Variants in TSHZ1 observed in about 807,000 individuals in gnomAD.
TSHZ1 encodes teashirt homolog 1.
Under a neutral mutation model 67.1 loss-of-function variants are expected in TSHZ1, and 12 were observed. The observed-to-expected ratio is 0.18, with a 90% CI of 0.11 to 0.29. The LOEUF is 0.29. TSHZ1 is among the 10% of genes least tolerant of loss of function. The pLI is 1.00. For missense variants in TSHZ1, 1,305 were observed against 1,413.9 expected (o/e 0.92, Z 1.23); for synonymous variants, 632 against 622.4 (o/e 1.02, Z -0.23).
chr18:75,258,430 T>G (rs2023389478), intron 1 of TSHZ1, among the ~76,000 whole-genome samples: 1 of 152,236 alleles, frequency 6.6e-6, no homozygotes. Flanking sequence ...CTGTAAAGGT[T>G]AGATAGCTTC....
intron 1 of TSHZ1, among the ~76,000 whole-genome samples, chr18:75,224,598 A>G (rs1241084687): frequency 1.3e-5 from 2 of 152,308 alleles, no homozygotes; most frequent in East Asian, 3.9e-4. Flanking sequence ...CCTCCCCGCA[A>G]TACTCTTATT....
At chr18:75,223,639 A>T (rs1222417235) in intron 1 of TSHZ1, among the ~76,000 whole-genome samples, 5 of 145,702 alleles carry the variant, frequency 3.4e-5, no homozygotes, top group African/African-American at 1.3e-4. Context: ...AAAAAAAAAA[A>T]TTGTCCCCCA....
chr18:75,214,476 A>T (rs2022740880), intron 1 of TSHZ1, among the ~76,000 whole-genome samples: 1 of 152,208 alleles, frequency 6.6e-6, no homozygotes, highest in Admixed American at 6.5e-5. Context: ...TACATATGTG[A>T]GTCAAGCGAT....
chr18:75,279,939 A>T (rs1228566227), intron 1 of TSHZ1, among the ~76,000 whole-genome samples: 1 of 152,250 alleles, frequency 6.6e-6, no homozygotes, highest in East Asian at 1.9e-4. Flanking sequence ...AACTGAAAAT[A>T]TTGAAGATTT....
intron 1 of TSHZ1, among the ~76,000 whole-genome samples, chr18:75,237,915 C>T (rs956997794): frequency 4.6e-5 from 7 of 152,190 alleles, no homozygotes; most frequent in East Asian, 1.9e-4. Flanking sequence ...TGGGTTCAAG[C>T]GATTCTCCTG....
At chr18:75,253,797 TC>T (rs1276100552) in intron 1 of TSHZ1, among the ~76,000 whole-genome samples, 3 of 152,258 alleles carry the variant, frequency 2.0e-5, no homozygotes, top group Non-Finnish European at 4.4e-5. Context: ...AATGAAATCT[TC>T]CTAATTTTCT....
intron 1 of TSHZ1, among the ~76,000 whole-genome samples, chr18:75,212,652 T>C (rs1260492286): frequency 1.3e-5 from 2 of 152,208 alleles, no homozygotes; most frequent in Non-Finnish European, 2.9e-5. Context: ...TCACTCACCA[T>C]GGAAACACAC....
At chr18:75,228,091 G>C (rs1304242201) in intron 1 of TSHZ1, among the ~76,000 whole-genome samples, 1 of 152,162 alleles carries the variant, frequency 6.6e-6, no homozygotes, top group East Asian at 1.9e-4. Flanking sequence ...GCCAGGGGAG[G>C]GACAACCTGA....
chr18:75,258,502 CA>C (rs2023390462), intron 1 of TSHZ1, among the ~76,000 whole-genome samples: 1 of 152,094 alleles, frequency 6.6e-6, no homozygotes, highest in Non-Finnish European at 1.5e-5. Context: ...TTACAGGCCT[CA>C]TTTAAGAAAA....
intron 1 of TSHZ1, among the ~76,000 whole-genome samples, chr18:75,212,524 A>C (rs1171249108): frequency 6.6e-6 from 1 of 152,120 alleles, no homozygotes; most frequent in African/African-American, 2.4e-5. Flanking sequence ...AACTGGCAGG[A>C]GCTGGTTTTC....
rs746312087 is a variant in TSHZ1, at chr18:75,288,483, C to A, written c.3076C>A (p.Leu1026Met). The change falls in exon 2 of 2, where the codon CTG becomes ATG. Residue 1026 changes from leucine to methionine, a missense_variant. Coordinates refer to ENST00000580243, the MANE Select transcript of TSHZ1 (RefSeq NM_001308210.2). This position sits in a 1 kb window ranked among gnomAD's most constrained non-coding sequence, Gnocchi z 4.9. ...KVLTNKTLGP[L>M]GATEEDLGST... ...CCTCACCAACAAAACTCTGGGCCCACTGGGGGCCACCGAGGAAGACTTGGG... is the reference window on the plus strand; with the variant it reads ...CCTCACCAACAAAACTCTGGGCCCAATGGGGGCCACCGAGGAAGACTTGGG... 1.9e-5 allele frequency: 30 copies of A among 1,614,170 alleles called. No individual in the cohort carries two copies. The highest frequency in any genetic ancestry group is 2.4e-5 in the Non-Finnish European group (28 of 1,180,032).
rs200947838 is a variant in TSHZ1 at position 75,287,313 on chromosome 18, G to A, written c.1906G>A (p.Val636Met). The A allele has an allele frequency of 1.7e-4, 276 of 1,614,148 alleles. 1 individual carries two copies. The Middle Eastern group carries it at 6.4e-3, about 38-fold the overall frequency. Residue 636 changes from valine (V) to methionine (M), a missense_variant, in exon 2 of 2, where the codon GTG becomes ATG. Val to Met is a conservative substitution (Grantham distance 21). Around this residue, in one of 3 missense-constraint regions of TSHZ1, gnomAD observed 909 missense variants for 961.8 expected, o/e 0.95. Coordinates refer to ENST00000580243, the MANE Select transcript of TSHZ1 (RefSeq NM_001308210.2). The surrounding 1 kb of genome is among the most constrained non-coding windows in gnomAD (Gnocchi z 5.0). ...CACGCCCCCACCGCACAAGAGCAAC[G>A]TGTCTGCCATGGAGGAGCTGGTGGA... ...SLTPPPHKSNVSAMEELVEKV... is the reference protein window; with the variant it reads ...SLTPPPHKSNMSAMEELVEKV...
At chr18:75,250,432 C>T (rs1197903836) in intron 1 of TSHZ1, among the ~76,000 whole-genome samples, 1 of 152,240 alleles carries the variant, frequency 6.6e-6, no homozygotes, top group Non-Finnish European at 1.5e-5. Context: ...AGCTGGCAGG[C>T]GGCCTGTCCT....
intron 1 of TSHZ1, among the ~76,000 whole-genome samples, chr18:75,218,844 A>T (rs1428867490): frequency 6.6e-6 from 1 of 152,256 alleles, no homozygotes; most frequent in South Asian, 2.1e-4. Flanking sequence ...CCCAGACCCT[A>T]CCTGACCACA....
At chr18:75,219,798 C>T (rs145058617) in intron 1 of TSHZ1, among the ~76,000 whole-genome samples, 6 of 152,322 alleles carry the variant, frequency 3.9e-5, no homozygotes, top group Non-Finnish European at 8.8e-5. Context: ...ACACGTGACA[C>T]GAGTTGTATA....
At chr18:75,270,872 C>T (rs1251354510) in intron 1 of TSHZ1, among the ~76,000 whole-genome samples, 1 of 152,070 alleles carries the variant, frequency 6.6e-6, no homozygotes, top group Non-Finnish European at 1.5e-5. Context: ...AAGTGAAGCA[C>T]ACTCAACATT....
chr18:75,276,950 G>T (rs2581642), intron 1 of TSHZ1, among the ~76,000 whole-genome samples: 64,205 of 152,082 alleles, frequency 0.42, 13,926 homozygotes, highest in East Asian at 0.62. Flanking sequence ...CTGACCTCAT[G>T]GCTGTCATTT....
intron 1 of TSHZ1, among the ~76,000 whole-genome samples, chr18:75,265,602 C>A (rs1344003551): frequency 6.6e-6 from 1 of 152,132 alleles, no homozygotes; most frequent in Non-Finnish European, 1.5e-5. Context: ...TATTGTATTT[C>A]TTTTTTATTA....
At chr18:75,245,128 G>A (rs2023206769) in intron 1 of TSHZ1, 1 of 152,166 alleles carries the variant, frequency 6.6e-6, no homozygotes, top group Non-Finnish European at 1.5e-5. Flanking sequence ...GACTTCTAGT[G>A]GATGTTTTAA....
Sources: allele counts gnomAD v4.1 joint callset (sites outside exome capture counted in the v4.1 genomes callset), GRCh38; gene constraint gnomAD v4.1.1; regional missense constraint gnomAD v4.1.1; non-coding constraint Gnocchi (gnomAD v3.1); transcripts MANE v1.5; gene names NCBI Gene and HGNC (gene_info 2026-07-23, HGNC 2026-07-21).